The following XPO6 variants were observed in gnomAD, a reference collection of about 807,000 sequenced individuals.
XPO6 encodes the protein exportin 6, also known as exportin-6.
Under a neutral mutation model 130.0 loss-of-function variants are expected in XPO6, and 3 were observed. The ratio of observed to expected loss-of-function variants is 0.02; its 90% confidence interval spans 0.01 to 0.06. The LOEUF (loss-of-function observed/expected upper bound fraction) is 0.06, where lower values mean the gene tolerates loss of function less well. XPO6 is among the 10% of genes least tolerant of loss of function. The pLI is 1.00. For missense variants in XPO6, 970 were observed against 1,393.0 expected (o/e 0.70, Z 4.83); for synonymous variants, 524 against 548.9 (o/e 0.95, Z 0.63).
intron 7 of XPO6, 174 bp downstream of exon 7, chr16:28,155,900 A>T: frequency 7.2e-7 from 1 of 1,397,258 alleles, no homozygotes; most frequent in Non-Finnish European, 9.3e-7. Context: ...TCCCTTAACC[A>T]CCCAAGCCCT....
intron 9 of XPO6, among the ~76,000 whole-genome samples, chr16:28,145,773 C>G (rs2042971972): frequency 6.6e-6 from 1 of 152,146 alleles, no homozygotes; most frequent in Non-Finnish European, 1.5e-5. Flanking sequence ...GTTATTTAAG[C>G]AAATCCCAGA....
intron 1 of XPO6, among the ~76,000 whole-genome samples, chr16:28,200,164 G>A (rs28693057): frequency 0.97 from 144,878 of 149,428 alleles, 70,181 homozygotes; most frequent in East Asian, 1. Context: ...CTCAAAAAAA[G>A]AAAAGGGAAA....
chr16:28,157,944 C>T (rs2043209376), intron 6 of XPO6, among the ~76,000 whole-genome samples: 1 of 152,122 alleles, frequency 6.6e-6, no homozygotes, highest in Non-Finnish European at 1.5e-5. Context: ...AAGGGACAGG[C>T]GTGAGGGGGA....
At chr16:28,119,967 G>A (rs754068252) in intron 14 of XPO6, among the ~76,000 whole-genome samples, 3 of 151,868 alleles carry the variant, frequency 2.0e-5, no homozygotes, top group Non-Finnish European at 2.9e-5. Context: ...TCAGCCTCCC[G>A]AGTAGTTGGG....
chr16:28,176,244 G>A, intron 3 of XPO6, 149 bp from the exon 4 acceptor site: 1 of 712,344 alleles, frequency 1.4e-6, no homozygotes, highest in Non-Finnish European at 2.3e-6. Context: ...AATAATAAAA[G>A]TATTCAAATC....
chr16:28,117,014 T>A, intron 15 of XPO6: 1 of 304,862 alleles, frequency 3.3e-6, no homozygotes, highest in Non-Finnish European at 6.4e-6. Context: ...CAACTGTGCT[T>A]ACCGCGCGAA....
intron 15 of XPO6, among the ~76,000 whole-genome samples, chr16:28,115,079 C>T (rs191600541): frequency 6.6e-6 from 1 of 152,304 alleles, no homozygotes; most frequent in East Asian, 1.9e-4. Context: ...TTACTGAAGT[C>T]CTGAACCCCT....
At chr16:28,184,599 TAA>T (rs775780148) in intron 1 of XPO6, among the ~76,000 whole-genome samples, 26 of 99,196 alleles carry the variant, frequency 2.6e-4, no homozygotes, top group African/African-American at 5.4e-4. Context: ...AACAAATCAG[TAA>T]AAAAAAAAAA....
At position 28,198,770 on chromosome 16, in the gene XPO6, GA is replaced by G. The variant is rs2043908473; in HGVS notation, c.3+12595del. Reference sequence around the variant, plus strand: ...TGTTTGTTAGTAAGTACCTATGGGAGAAGAGCTTACAAAAACTCCCTATACT... The same window carrying G: ...TGTTTGTTAGTAAGTACCTATGGGAGAGAGCTTACAAAAACTCCCTATACT... On this transcript the variant is annotated intron_variant, in intron 1 of 23. Coordinates refer to ENST00000304658, the MANE Select transcript of XPO6 (RefSeq NM_015171.4). Among the ~76,000 whole-genome samples, 3 of 152,272 alleles carry G rather than the reference GA, an allele frequency of 2.0e-5. No homozygotes were observed. In the South Asian group the frequency reaches 6.2e-4, roughly 32 times the overall value.
chr16:28,153,028 T>C (rs1396879191), intron 7 of XPO6: 3 of 1,122,622 alleles, frequency 2.7e-6, no homozygotes, highest in Non-Finnish European at 3.3e-6. Context: ...TCTTATAATC[T>C]AGTGCGCTCA....
chr16:28,098,613 C>T lies in XPO6; in HGVS notation c.3303G>A (p.Val1101=), dbSNP rs754068704. ...AGCGCAGGTCGTTGACCAGCCTGTG[C>T]ACATTCTGGGTGAATGAGGGCAGGT... ...DRDLPSFTQN[V]HRLVNDLRYY... Residue 1101 remains valine, a synonymous_variant, in exon 24 of 24, where the codon GTG becomes GTA. Coordinates refer to ENST00000304658, the MANE Select transcript of XPO6 (RefSeq NM_015171.4). 3.1e-6 allele frequency: 5 copies of T among 1,612,218 alleles called. No homozygotes were observed. In the South Asian group the frequency reaches 5.5e-5, roughly 18 times the overall value.
chr16:28,121,620 G>T, intron 14 of XPO6, 50 bp downstream of exon 14: 1 of 1,325,034 alleles, frequency 7.5e-7, no homozygotes, highest in Non-Finnish European at 1.1e-6. Context: ...TTTGGAGATT[G>T]GGGGCAAGGT....
intron 4 of XPO6, among the ~76,000 whole-genome samples, chr16:28,173,850 T>G (rs1420853777): frequency 1.3e-5 from 2 of 152,206 alleles, no homozygotes; most frequent in Non-Finnish European, 2.9e-5. Context: ...ATACTTCAAA[T>G]GTAGCCAGGA....
intron 1 of XPO6, among the ~76,000 whole-genome samples, chr16:28,197,011 T>C (rs1374402218): frequency 6.6e-6 from 1 of 152,166 alleles, no homozygotes; most frequent in Non-Finnish European, 1.5e-5. Flanking sequence ...TGTAGTATTT[T>C]AAGGCCAAGG....
At chr16:28,171,870 C>A (rs2043455015) in intron 4 of XPO6, among the ~76,000 whole-genome samples, 1 of 152,138 alleles carries the variant, frequency 6.6e-6, no homozygotes, top group Admixed American at 6.5e-5. Context: ...GCTTATCAGT[C>A]TATATTCTAA....
intron 1 of XPO6, among the ~76,000 whole-genome samples, chr16:28,197,855 G>T (rs909683096): frequency 1.5e-5 from 2 of 137,834 alleles, no homozygotes; most frequent in Non-Finnish European, 3.1e-5. Flanking sequence ...GGAGGCGGAG[G>T]TTACAGTGAG....
chr16:28,127,679 C>T (rs574463536), intron 12 of XPO6, among the ~76,000 whole-genome samples: 52 of 152,288 alleles, frequency 3.4e-4, no homozygotes, highest in African/African-American at 1.2e-3. Flanking sequence ...TGCCTCGATC[C>T]GCCACCAACG....
At chr16:28,117,127 AAAAGT>A in intron 15 of XPO6, 186 bp downstream of exon 15, 1 of 672,662 alleles carries the variant, frequency 1.5e-6, no homozygotes, top group South Asian at 2.6e-5. Flanking sequence ...AGATAACTAA[AAAAGT>A]AAAGTTGTAT....
intron 5 of XPO6, among the ~76,000 whole-genome samples, chr16:28,169,441 C>T (rs1349134288): frequency 2.6e-5 from 4 of 152,176 alleles, no homozygotes; most frequent in African/African-American, 9.7e-5. Flanking sequence ...GAGTGCTTGC[C>T]ACCCACCTAA....
Sources: allele counts gnomAD v4.1 joint callset (sites outside exome capture counted in the v4.1 genomes callset), GRCh38; gene constraint gnomAD v4.1.1; transcripts MANE v1.5; gene names NCBI Gene and HGNC (gene_info 2026-07-23, HGNC 2026-07-21).